The following ADGRB3 variants were observed in gnomAD, a reference collection of about 807,000 sequenced individuals.
The protein encoded by ADGRB3 is adhesion G protein-coupled receptor B3.
ADGRB3 carries 37 observed loss-of-function variants against 193.4 expected under a neutral mutation model. That is an observed-to-expected ratio of 0.19 (90% confidence interval 0.15 to 0.25). The LOEUF (loss-of-function observed/expected upper bound fraction) is 0.25. ADGRB3 is among the 10% of genes least tolerant of loss of function. ADGRB3 has a pLI of 1.00. For missense variants in ADGRB3, 1,637 were observed against 1,852.9 expected (o/e 0.88, Z 2.14); for synonymous variants, 690 against 644.2 (o/e 1.07, Z -1.08).
At chr6:69,256,676 C>T (rs1382812189) in intron 20 of ADGRB3, among the ~76,000 whole-genome samples, 2 of 152,168 alleles carry the variant, frequency 1.3e-5, no homozygotes, top group African/African-American at 2.4e-5. Flanking sequence ...GCCTCTTTTC[C>T]TAAATGAATA....
intron 3 of ADGRB3, among the ~76,000 whole-genome samples, chr6:68,888,566 C>CACACAT (rs1554214305): frequency 1.5e-4 from 23 of 151,506 alleles, no homozygotes; most frequent in African/African-American, 5.3e-4. Context: ...CACACACACA[C>CACACAT]ACACACACAT....
chr6:69,388,401 G>A lies in ADGRB3; in HGVS notation c.4381-302G>A, dbSNP rs546226670. Among the ~76,000 whole-genome samples the A allele has an allele frequency of 3.3e-5, 5 of 152,032 alleles. No homozygotes were observed. In the South Asian group the frequency reaches 1.0e-3, roughly 32 times the overall value. On this transcript the variant is annotated intron_variant, in intron 31 of 31. Transcript: ENST00000370598. ...ACTCTCCTTCCTACTTCAACATATG[G>A]TCATACTGACAATTCACAACATGCC...
At chr6:68,908,897 C>A (rs1372622441) in intron 3 of ADGRB3, among the ~76,000 whole-genome samples, 1 of 152,148 alleles carries the variant, frequency 6.6e-6, no homozygotes, top group Non-Finnish European at 1.5e-5. Flanking sequence ...ACAAGCAAGC[C>A]TTGTGGTTAA....
At chr6:69,155,859 A>T (rs544365436) in intron 17 of ADGRB3, among the ~76,000 whole-genome samples, 1 of 152,184 alleles carries the variant, frequency 6.6e-6, no homozygotes, top group Non-Finnish European at 1.5e-5. Flanking sequence ...TGTAATAGTA[A>T]CCATTTGAGT....
intron 13 of ADGRB3, among the ~76,000 whole-genome samples, chr6:69,028,368 G>A (rs755528569): frequency 8.5e-5 from 13 of 152,140 alleles, no homozygotes; most frequent in East Asian, 1.9e-4. Flanking sequence ...TAATAAAAAC[G>A]TAAAAATAAG....
intron 3 of ADGRB3, among the ~76,000 whole-genome samples, chr6:68,673,215 A>G (rs1482913238): frequency 1.3e-5 from 2 of 152,132 alleles, no homozygotes; most frequent in Non-Finnish European, 2.9e-5. Flanking sequence ...CTTGGTAGAT[A>G]AGTTCCCTCA....
At chr6:68,796,991 C>A (rs1446033086) in intron 3 of ADGRB3, among the ~76,000 whole-genome samples, 1 of 152,038 alleles carries the variant, frequency 6.6e-6, no homozygotes, top group Non-Finnish European at 1.5e-5. Context: ...TCCTAATTTC[C>A]TAAGGATTAG....
chr6:68,905,471 T>G (rs1766517541), intron 3 of ADGRB3, among the ~76,000 whole-genome samples: 1 of 152,210 alleles, frequency 6.6e-6, no homozygotes, highest in African/African-American at 2.4e-5. Context: ...ACTAAAATTA[T>G]AAAGTTACTT....
intron 3 of ADGRB3, among the ~76,000 whole-genome samples, chr6:68,853,197 G>A (rs867336891): frequency 6.6e-6 from 1 of 152,004 alleles, no homozygotes; most frequent in African/African-American, 2.4e-5. Flanking sequence ...ACAAGCCAAA[G>A]CAGAACAAAT....
At chr6:68,862,644 A>C (rs1765189970) in intron 3 of ADGRB3, among the ~76,000 whole-genome samples, 1 of 152,114 alleles carries the variant, frequency 6.6e-6, no homozygotes, top group Admixed American at 6.6e-5. Flanking sequence ...TTATGTATTA[A>C]ATTTCTTTTC....
At chr6:68,727,410 A>G (rs1220960478) in intron 3 of ADGRB3, among the ~76,000 whole-genome samples, 1 of 151,612 alleles carries the variant, frequency 6.6e-6, no homozygotes, top group Admixed American at 6.6e-5. Context: ...TTAAGGTTAT[A>G]TGAAGATTAT....
chr6:68,638,615 C>T (rs527499866), intron 2 of ADGRB3, 46 bp from the exon 3 acceptor site: 1 of 1,513,214 alleles, frequency 6.6e-7, no homozygotes, highest in South Asian at 1.3e-5. Flanking sequence ...TTTCTCAATG[C>T]ACGTAGACTC....
At chr6:68,875,438 C>T (rs953734443) in intron 3 of ADGRB3, among the ~76,000 whole-genome samples, 7 of 151,582 alleles carry the variant, frequency 4.6e-5, no homozygotes, top group African/African-American at 1.7e-4. Flanking sequence ...TTTCCCCTAG[C>T]TAATTACTAA....
At chr6:69,149,307 G>A (rs314202) in intron 17 of ADGRB3, among the ~76,000 whole-genome samples, 141,799 of 151,800 alleles carry the variant, frequency 0.93, 66,953 homozygotes, top group East Asian at 1. Context: ...CTTCTGCTTG[G>A]TGAATTTTTC....
At position 68,949,540 on chromosome 6, in the gene ADGRB3, A is replaced by T. The variant is rs1767860665; in HGVS notation, c.1195+5546A>T. Among the ~76,000 whole-genome samples, 3 of 152,188 alleles carry T rather than the reference A, an allele frequency of 2.0e-5. No homozygotes were observed. The South Asian group carries it at 6.2e-4, about 31-fold the overall frequency. On this transcript the variant is annotated intron_variant, in intron 6 of 31. Transcript: ENST00000370598. ...ATCTATGGGAGGATGCCCTGCCCTCAGTCTCTCTGCAGGGTGCCCTTCTGG... is the reference window on the plus strand; with the variant it reads ...ATCTATGGGAGGATGCCCTGCCCTCTGTCTCTCTGCAGGGTGCCCTTCTGG...
At chr6:69,352,589 T>G (rs904241913) in intron 26 of ADGRB3, among the ~76,000 whole-genome samples, 1 of 151,920 alleles carries the variant, frequency 6.6e-6, no homozygotes, top group Non-Finnish European at 1.5e-5. Context: ...GGACCGGAGG[T>G]GGAGAAATAG....
rs1769864602 is a variant in ADGRB3 at position 69,377,881 on chromosome 6, G to C, written c.4276-4950G>C. The stretch of plus-strand genomic sequence containing the variant: ...CAAGTCATTTGTATTAAAAAGAAAG[G>C]AACACAATAAAATCAGAATGAGGAG... On this transcript the variant is annotated intron_variant, in intron 30 of 31. Transcript: ENST00000370598. 6.6e-5 allele frequency among the ~76,000 whole-genome samples: 10 copies of C among 152,140 alleles called. No homozygotes were observed. The South Asian group carries it at 2.1e-3, about 32-fold the overall frequency.
rs190731752 is a variant in ADGRB3, at chr6:69,047,887, C to A, written c.2108-298C>A. 4.3e-4 allele frequency among the ~76,000 whole-genome samples: 66 copies of A among 152,092 alleles called. 3 individuals are homozygous for A. The highest frequency in any genetic ancestry group is 3.9e-3 in the Admixed American group (60 of 15,264). On this transcript the variant is annotated intron_variant, in intron 13 of 31. Transcript: ENST00000370598. ...AGTTTCTAACAATTAAAATGGAGAC[C>A]AACCATGAACAATCAATATAGCAGT... is the stretch of plus-strand genomic sequence containing the variant.
chr6:68,746,458 A>G (rs1216434265), intron 3 of ADGRB3, among the ~76,000 whole-genome samples: 1 of 152,090 alleles, frequency 6.6e-6, no homozygotes, highest in Non-Finnish European at 1.5e-5. Flanking sequence ...TTTTTATATA[A>G]TCAAATAAAC....
Sources: allele counts gnomAD v4.1 joint callset (sites outside exome capture counted in the v4.1 genomes callset), GRCh38; gene constraint gnomAD v4.1.1; transcripts MANE v1.5; gene names NCBI Gene and HGNC (gene_info 2026-07-23, HGNC 2026-07-21).